Variants in COG4 observed in about 807,000 individuals in gnomAD.
The protein encoded by COG4 is component of oligomeric golgi complex 4, also known as conserved oligomeric Golgi complex subunit 4.
In COG4, 65 loss-of-function variants were observed where a neutral mutation model predicts 95.1. The observed-to-expected ratio is 0.68, with a 90% CI of 0.56 to 0.84. COG4 has a LOEUF of 0.84. COG4 is among the 40% of genes least tolerant of loss of function. The pLI is 0.00. For missense variants in COG4, 1,045 were observed against 989.1 expected (o/e 1.06, Z -0.76); for synonymous variants, 421 against 374.8 (o/e 1.12, Z -1.42).
At position 70,481,538 on chromosome 16, in the gene COG4, TG is replaced by T. The variant is rs767305213; in HGVS notation, c.2107-52del. On this transcript the variant is annotated intron_variant, in intron 17 of 18. Coordinates refer to ENST00000323786, the MANE Select transcript of COG4 (RefSeq NM_015386.3). ...CTACTTAGGCCTGGCCAAGCAGAAC[TG>T]GCCTCCAGTTGCCCCCAGAGCTGGG... 4 of 1,609,182 alleles carry T rather than the reference TG, an allele frequency of 2.5e-6. No homozygotes were observed. In the South Asian group the frequency reaches 4.4e-5, roughly 18 times the overall value.
intron 1 of COG4, 97 bp downstream of exon 1, chr16:70,523,276 C>T (rs1249464058): frequency 1.4e-6 from 2 of 1,449,576 alleles, no homozygotes; most frequent in Non-Finnish European, 1.9e-6. Context: ...TTTTTGTATC[C>T]CCCAGCAAGG....
chr16:70,502,280 CAAAA>C (rs59805765), intron 8 of COG4, among the ~76,000 whole-genome samples: 1 of 19,110 alleles, frequency 5.2e-5, no homozygotes, highest in African/African-American at 1.1e-4. Context: ...GACTCCGTCT[CAAAA>C]AAAAAAAAAA....
At chr16:70,521,473 C>T (rs2049940946) in intron 1 of COG4, among the ~76,000 whole-genome samples, 1 of 152,058 alleles carries the variant, frequency 6.6e-6, no homozygotes, top group Admixed American at 6.6e-5. Flanking sequence ...CCACCCGCCT[C>T]GGCCTCCCAA....
chr16:70,511,063 C>A (rs1183319977), intron 5 of COG4, among the ~76,000 whole-genome samples: 2 of 152,072 alleles, frequency 1.3e-5, no homozygotes, highest in Admixed American at 1.3e-4. Flanking sequence ...CCGCGCCTGG[C>A]CTGTATTTTG....
chr16:70,489,062 G>T (rs1447995830), intron 13 of COG4, among the ~76,000 whole-genome samples: 1 of 152,154 alleles, frequency 6.6e-6, no homozygotes, highest in African/African-American at 2.4e-5. Context: ...TTTGAACTTG[G>T]GGTATCTGGC....
intron 5 of COG4, 139 bp from the exon 6 acceptor site, chr16:70,510,160 G>A: frequency 1.4e-6 from 1 of 723,422 alleles, no homozygotes; most frequent in Non-Finnish European, 2.5e-6. Flanking sequence ...AGGCAGCACA[G>A]AGGAAACTCC....
At chr16:70,486,167 T>C (rs1397029573) in intron 13 of COG4, among the ~76,000 whole-genome samples, 2 of 152,198 alleles carry the variant, frequency 1.3e-5, no homozygotes, top group Non-Finnish European at 2.9e-5. Context: ...AGTGCTAGGA[T>C]TACAGGCGTG....
intron 6 of COG4, 38 bp downstream of exon 6, chr16:70,509,878 C>T (rs1392314255): frequency 6.7e-7 from 1 of 1,484,902 alleles, no homozygotes. Flanking sequence ...GTGTCATATA[C>T]AGTCTCCAGT....
At chr16:70,508,302 A>G (rs941856834) in intron 8 of COG4, 104 bp downstream of exon 8, 2 of 953,292 alleles carry the variant, frequency 2.1e-6, no homozygotes, top group Non-Finnish European at 1.7e-6. Flanking sequence ...AATTGATAAA[A>G]TATTTTAAAA....
rs1015015761 is a variant in COG4 at position 70,503,666 on chromosome 16, C to A, written c.1062-2575G>T. ...CTGGAGTGCAGTGGCGCTATCCCGG[C>A]TCACTGCAAGCTCCGCCTCTTGGGT... On this transcript the variant is annotated intron_variant, in intron 8 of 18. Transcript: ENST00000323786. 8.6e-5 allele frequency among the ~76,000 whole-genome samples: 12 copies of A among 139,940 alleles called. 3 individuals are homozygous for A. The highest frequency in any genetic ancestry group is 4.0e-4 in the African/African-American group (12 of 30,194). The allele number at this position is 139,940 out of a possible 152,430, so 91.8% of individuals were successfully genotyped here.
chr16:70,503,755 C>G (rs927168958), intron 8 of COG4, among the ~76,000 whole-genome samples: 2 of 138,756 alleles, frequency 1.4e-5, no homozygotes, highest in Non-Finnish European at 2.9e-5. Flanking sequence ...CCACCACGCC[C>G]GGCTAATTTT....
rs559590392 is a variant in COG4, at chr16:70,496,819, A to T, written c.1482-388T>A. On this transcript the variant is annotated intron_variant, in intron 11 of 18. Coordinates refer to ENST00000323786, the MANE Select transcript of COG4 (RefSeq NM_015386.3). The stretch of plus-strand genomic sequence containing the variant: ...GTGGTGGATCTTTGACGAGGACGGA[A>T]TCTCCCTAAAGCACAGTTTCTTCAT... Among the ~76,000 whole-genome samples, 15 of 152,310 alleles carry T rather than the reference A, an allele frequency of 9.8e-5. No homozygotes were observed. The Middle Eastern group carries it at 0.01, about 104-fold the overall frequency.
chr16:70,482,527 G>A, intron 15 of COG4: 9 of 642,976 alleles, frequency 1.4e-5, no homozygotes, highest in Non-Finnish European at 2.5e-5. Context: ...GTTAGGTCAA[G>A]GCAAACTCCA....
Position 70,514,499 on chromosome 16 carries a change from T to TA in COG4, c.379dup (p.Tyr127LeufsTer8), listed in dbSNP as rs2049782244. 6.2e-7 allele frequency: 1 copy of TA among 1,614,028 alleles called. No individual in the cohort carries two copies. The highest frequency in any genetic ancestry group is 8.5e-7 in the Non-Finnish European group (1 of 1,179,990). On this transcript the variant is annotated frameshift_variant, in exon 4 of 19. Coordinates refer to ENST00000323786, the MANE Select transcript of COG4 (RefSeq NM_015386.3). LOFTEE classifies it high-confidence loss of function. ...GTCATCAGCTCTCTGAATGGCCTGA[T>TA]AGAGGCGGTTCTGCAAAAAGATTTG...
At chr16:70,486,180 C>A (rs2049131720) in intron 13 of COG4, among the ~76,000 whole-genome samples, 1 of 152,208 alleles carries the variant, frequency 6.6e-6, no homozygotes, top group South Asian at 2.1e-4. Context: ...CAGGCGTGAG[C>A]CACCGCGCCC....
At chr16:70,511,209 G>A (rs987813381) in intron 5 of COG4, among the ~76,000 whole-genome samples, 16 of 152,146 alleles carry the variant, frequency 1.1e-4, no homozygotes, top group African/African-American at 3.6e-4. Context: ...GGTGACCATT[G>A]TTAACCCTTC....
chr16:70,481,869 C>T lies in COG4; in HGVS notation c.2005-4G>A, dbSNP rs1241734159. ...AGATGACCGGGGACAGGCTGGCCTG[C>T]ACACAGAGGGTTGACATCAGCCGAG... On this transcript the variant is annotated splice_region_variant and splice_polypyrimidine_tract_variant and intron_variant, in intron 16 of 18. Coordinates refer to ENST00000323786, the MANE Select transcript of COG4 (RefSeq NM_015386.3). The T allele has an allele frequency of 1.2e-6, 2 of 1,612,306 alleles. No homozygotes were observed. Among genetic ancestry groups the T allele is most frequent in the South Asian group, 2.2e-5 (2 of 90,852 alleles).
At chr16:70,489,958 CA>C (rs1303951259) in intron 13 of COG4, among the ~76,000 whole-genome samples, 1 of 152,168 alleles carries the variant, frequency 6.6e-6, no homozygotes, top group Non-Finnish European at 1.5e-5. Flanking sequence ...GCTGGGATTA[CA>C]GGTGTCTGCC....
intron 9 of COG4, among the ~76,000 whole-genome samples, chr16:70,498,966 G>C (rs1311971719): frequency 3.3e-5 from 5 of 152,152 alleles, no homozygotes; most frequent in Admixed American, 6.5e-5. Context: ...TGTAATCCCA[G>C]CACTTTGGGA....
Sources: gnomAD v4.1 joint callset for allele counts (sites outside exome capture counted in the v4.1 genomes callset) on GRCh38, gnomAD v4.1.1 for gene constraint, MANE v1.5 for transcripts, NCBI Gene and HGNC (gene_info 2026-07-23, HGNC 2026-07-21) for gene names.